Variants in KPNA4 observed in about 807,000 individuals in gnomAD.
The protein encoded by KPNA4 is importin subunit alpha-3.
A neutral mutation model predicts 71.3 loss-of-function variants in KPNA4; 13 were observed. That is an observed-to-expected ratio of 0.18 (90% CI 0.12 to 0.29). The LOEUF (loss-of-function observed/expected upper bound fraction) is 0.29, where lower values mean the gene tolerates loss of function less well. Among genes scored for constraint, KPNA4 ranks in the 10% least tolerant of loss-of-function variants. The pLI is 1.00. For missense variants in KPNA4, 334 were observed against 603.2 expected (o/e 0.55, Z 4.67); for synonymous variants, 189 against 195.2 (o/e 0.97, Z 0.26).
intron 15 of KPNA4, among the ~76,000 whole-genome samples, chr3:160,506,387 C>A (rs1289347260): frequency 6.6e-6 from 1 of 152,142 alleles, no homozygotes; most frequent in Non-Finnish European, 1.5e-5. Context: ...CCAGGCTGGT[C>A]TTGAACTTCT....
At position 160,497,975 on chromosome 3, in the gene KPNA4, A is replaced by G. The variant is rs1186483784; in HGVS notation, c.*4129T>C. On this transcript the variant is annotated 3_prime_UTR_variant, in exon 17 of 17. Coordinates refer to ENST00000334256, the MANE Select transcript of KPNA4 (RefSeq NM_002268.5). ...CTTAGTAAACAAAAAAAATATCCAAAAAGCTACATTCACATTTTTTTGCAT... is the reference window on the plus strand; with the variant it reads ...CTTAGTAAACAAAAAAAATATCCAAGAAGCTACATTCACATTTTTTTGCAT... 6.6e-6 allele frequency: 1 copy of G among 152,232 alleles called. No individual in the cohort carries two copies. Among genetic ancestry groups the G allele is most frequent in the Non-Finnish European group, 1.5e-5 (1 of 68,032 alleles). The allele number at this position is 152,232 out of a possible 1,614,324, so 9.4% of individuals were successfully genotyped here.
At chr3:160,518,851 ACT>A (rs1303633709) in intron 11 of KPNA4, among the ~76,000 whole-genome samples, 1 of 152,126 alleles carries the variant, frequency 6.6e-6, no homozygotes, top group Admixed American at 6.5e-5. Context: ...ACAGAGCAAG[ACT>A]CTCACACACA....
In KPNA4 at chr3:160,501,070, C is replaced by A. The variant is rs1286671286; in HGVS notation, c.*1034G>T. On this transcript the variant is annotated 3_prime_UTR_variant, in exon 17 of 17. Coordinates refer to ENST00000334256, the MANE Select transcript of KPNA4 (RefSeq NM_002268.5). ...ATTTTACTGTTTTATACTATTATGGCAACTTGTGTACTGCAACACAGTCTA... is the reference window on the plus strand; with the variant it reads ...ATTTTACTGTTTTATACTATTATGGAAACTTGTGTACTGCAACACAGTCTA... The A allele has an allele frequency of 6.6e-6, 1 of 152,280 alleles. No homozygotes were observed. Among genetic ancestry groups the A allele is most frequent in the Non-Finnish European group, 1.5e-5 (1 of 67,988 alleles). 9.4% of individuals were successfully genotyped at this position (152,280 alleles called of 1,614,324 possible).
intron 1 of KPNA4, among the ~76,000 whole-genome samples, chr3:160,551,629 C>T (rs1403211733): frequency 6.8e-6 from 1 of 147,314 alleles, no homozygotes; most frequent in Non-Finnish European, 1.5e-5. Flanking sequence ...GAGTTATCAA[C>T]TAAAAAGGTA....
At chr3:160,548,191 T>A (rs186413342) in intron 1 of KPNA4, among the ~76,000 whole-genome samples, 1 of 152,200 alleles carries the variant, frequency 6.6e-6, no homozygotes, top group Non-Finnish European at 1.5e-5. Flanking sequence ...GCATGTGGTG[T>A]TGTTAGTGCT....
At chr3:160,563,607 C>T (rs1214903296) in intron 1 of KPNA4, among the ~76,000 whole-genome samples, 2 of 152,102 alleles carry the variant, frequency 1.3e-5, no homozygotes, top group Admixed American at 1.3e-4. Flanking sequence ...CACCTAATTG[C>T]TATTTTTCTG....
intron 10 of KPNA4, among the ~76,000 whole-genome samples, chr3:160,522,835 C>T (rs1159817895): frequency 1.3e-5 from 2 of 151,128 alleles, no homozygotes; most frequent in Non-Finnish European, 2.9e-5. Context: ...ATCTGTGAGA[C>T]CTGTAATTAA....
At position 160,531,038 on chromosome 3, in the gene KPNA4, T is replaced by C; in HGVS notation, c.384-98A>G. 5 of 809,438 alleles carry C rather than the reference T, an allele frequency of 6.2e-6. No individual in the cohort carries two copies. In the Admixed American group the frequency reaches 1.4e-4, roughly 23 times the overall value. 50.1% of individuals were successfully genotyped at this position (809,438 alleles called of 1,614,324 possible). A position where few individuals can be genotyped will look rare whatever the true frequency, so the allele number is the denominator to read the frequency against. On this transcript the variant is annotated intron_variant, in intron 6 of 16. Transcript: ENST00000334256. ...TCTACCATTTAAAATGCATTAAATA[T>C]TTTGTTTCAAAAGTTATCTATCCAT...
intron 1 of KPNA4, among the ~76,000 whole-genome samples, chr3:160,556,581 G>A (rs561819017): frequency 6.6e-6 from 1 of 152,100 alleles, no homozygotes; most frequent in Admixed American, 6.5e-5. Context: ...GGATTTTTTT[G>A]GATTTTAGAA....
intron 1 of KPNA4, among the ~76,000 whole-genome samples, chr3:160,552,680 T>G (rs544001006): frequency 6.6e-6 from 1 of 152,180 alleles, no homozygotes; most frequent in South Asian, 2.1e-4. Flanking sequence ...TGAAGCGAGA[T>G]TCAAAGGATG....
At chr3:160,525,398 T>G (rs1364192522) in intron 10 of KPNA4, among the ~76,000 whole-genome samples, 1 of 152,008 alleles carries the variant, frequency 6.6e-6, no homozygotes, top group East Asian at 1.9e-4. Context: ...GTGTGTGCTT[T>G]CATTGGCCAA....
At chr3:160,538,109 C>CTA (rs1197331979) in intron 1 of KPNA4, among the ~76,000 whole-genome samples, 25 of 148,084 alleles carry the variant, frequency 1.7e-4, no homozygotes, top group African/African-American at 2.7e-4. Flanking sequence ...CACACACACA[C>CTA]TATATATATA....
At chr3:160,528,187 A>T in intron 7 of KPNA4, 148 bp from the exon 8 acceptor site, 1 of 529,696 alleles carries the variant, frequency 1.9e-6, no homozygotes, top group Non-Finnish European at 3.4e-6. Flanking sequence ...TTATTGGAAT[A>T]GCATCATTGG....
Position 160,565,491 on chromosome 3 carries a change from C to T in KPNA4, c.-209G>A. On this transcript the variant is annotated 5_prime_UTR_variant, in exon 1 of 17. Transcript: ENST00000334256. ...CCTAACCCCAGCGCGACTGCAGCTCCGGCAAAGACAACTGTGGGGCCGGGC... is the reference window on the plus strand; with the variant it reads ...CCTAACCCCAGCGCGACTGCAGCTCTGGCAAAGACAACTGTGGGGCCGGGC... The T allele has an allele frequency of 3.6e-6, 2 of 557,670 alleles. No individual in the cohort carries two copies. Among genetic ancestry groups the T allele is most frequent in the Non-Finnish European group, 6.3e-6 (2 of 317,500 alleles). The allele number at this position is 557,670 out of a possible 1,614,324, so 34.5% of individuals were successfully genotyped here.
At chr3:160,541,657 A>ACACG (rs1033614541) in intron 1 of KPNA4, among the ~76,000 whole-genome samples, 3 of 151,200 alleles carry the variant, frequency 2.0e-5, no homozygotes, top group African/African-American at 7.3e-5. Context: ...GCGCACACAC[A>ACACG]CACACACACA....
At chr3:160,531,849 G>A (rs1721580811) in intron 5 of KPNA4, among the ~76,000 whole-genome samples, 1 of 151,996 alleles carries the variant, frequency 6.6e-6, no homozygotes, top group South Asian at 2.1e-4. Flanking sequence ...CTAGAGTGCA[G>A]TGGCACAGTC....
intron 11 of KPNA4, among the ~76,000 whole-genome samples, chr3:160,520,915 T>C (rs1384737627): frequency 6.6e-6 from 1 of 152,230 alleles, no homozygotes; most frequent in African/African-American, 2.4e-5. Flanking sequence ...CCATTACAAC[T>C]GTAGCTTAAC....
chr3:160,564,669 G>A (rs1212394991), intron 1 of KPNA4: 1 of 152,120 alleles, frequency 6.6e-6, no homozygotes, highest in Non-Finnish European at 1.5e-5. Flanking sequence ...GGGGAGGCAG[G>A]GGTAAAGCGG....
chr3:160,518,046 G>A (rs537131228), intron 11 of KPNA4, among the ~76,000 whole-genome samples: 1 of 151,584 alleles, frequency 6.6e-6, no homozygotes, highest in African/African-American at 2.4e-5. Context: ...TCTAATCTAG[G>A]GTCATAAAAA....
Sources: gnomAD v4.1 joint callset for allele counts (sites outside exome capture counted in the v4.1 genomes callset) on GRCh38, gnomAD v4.1.1 for gene constraint, MANE v1.5 for transcripts, NCBI Gene and HGNC (gene_info 2026-07-23, HGNC 2026-07-21) for gene names.